OR2L13: variants seen among roughly 807,000 people sequenced by gnomAD.
OR2L13 encodes the protein olfactory receptor 2L13.
OR2L13 carries 14 observed loss-of-function variants against 15.3 expected under a neutral mutation model. That is an observed-to-expected ratio of 0.91 (90% confidence interval 0.60 to 1.43). The LOEUF (loss-of-function observed/expected upper bound fraction) is 1.43. Among genes scored for constraint, OR2L13 ranks in the 40% most tolerant of loss-of-function variants. The pLI is 0.00. For synonymous variants in OR2L13, 152 were observed against 142.9 expected (o/e 1.06, Z -0.45); for missense variants, 367 against 387.9 (o/e 0.95, Z 0.45).
chr1:247,948,765 G>A, the OR2L13 span: 1 of 1,008,524 alleles, frequency 9.9e-7, no homozygotes, highest in Non-Finnish European at 1.5e-6. Flanking sequence ...ATCCACTGGG[G>A]GGGCTTGGAA....
At chr1:248,089,918 G>T in the OR2L13 span, among the ~76,000 whole-genome samples, 1 of 152,114 alleles carries the variant, frequency 6.6e-6, no homozygotes, top group Non-Finnish European at 1.5e-5. Context: ...GAAAATTTTT[G>T]AATCTCCCTA....
the OR2L13 span, chr1:248,040,171 C>T: frequency 6.6e-6 from 1 of 152,230 alleles, no homozygotes; most frequent in African/African-American, 2.4e-5. Context: ...TTGGGATCAG[C>T]TCCTCTGCTC....
chr1:248,046,153 C>A, the OR2L13 span, among the ~76,000 whole-genome samples: 1,360 of 152,022 alleles, frequency 8.9e-3, 15 homozygotes, highest in Non-Finnish European at 0.015. Context: ...ATTAATAAAA[C>A]AAGAGTAGTA....
chr1:247,994,345 T>A, the OR2L13 span, among the ~76,000 whole-genome samples: 1 of 152,076 alleles, frequency 6.6e-6, no homozygotes, highest in Non-Finnish European at 1.5e-5. Context: ...TGCAGTGAGC[T>A]GATATCGCTC....
chr1:247,983,567 A>G, the OR2L13 span, among the ~76,000 whole-genome samples: 1 of 136,218 alleles, frequency 7.3e-6, no homozygotes, highest in South Asian at 2.1e-4. Flanking sequence ...ATTTATTTTT[A>G]TCTAAGAAAA....
chr1:248,063,143 G>A, the OR2L13 span: 1 of 152,082 alleles, frequency 6.6e-6, no homozygotes, highest in African/African-American at 2.4e-5. Context: ...GAATGTCATT[G>A]GTATTTTGAT....
At chr1:247,990,547 A>G in the OR2L13 span, 2 of 1,566,278 alleles carry the variant, frequency 1.3e-6, no homozygotes, top group East Asian at 4.5e-5. Context: ...TATCTCCTTC[A>G]CTGGGTGTGG....
upstream of OR2L13, among the ~76,000 whole-genome samples, chr1:248,095,606 G>GTTTTTTTTT (rs1476154907): frequency 4.5e-4 from 3 of 6,626 alleles, no homozygotes; most frequent in Non-Finnish European, 4.9e-4. Flanking sequence ...TAAAGCTGCT[G>GTTTTTTTTT]CTTTTTTTTT....
the OR2L13 span, among the ~76,000 whole-genome samples, chr1:248,068,275 G>T: frequency 6.6e-6 from 1 of 151,956 alleles, no homozygotes; most frequent in Non-Finnish European, 1.5e-5. Flanking sequence ...CACCTCACAC[G>T]GCCGGGTACT....
At chr1:248,073,808 A>T in the OR2L13 span, among the ~76,000 whole-genome samples, 7 of 152,000 alleles carry the variant, frequency 4.6e-5, no homozygotes, top group African/African-American at 1.4e-4. Flanking sequence ...GTTTTGACTA[A>T]AACATTATAC....
At chr1:248,097,904 T>C (rs1045718324) in intron 1 of OR2L13, among the ~76,000 whole-genome samples, 1 of 152,222 alleles carries the variant, frequency 6.6e-6, no homozygotes, top group Non-Finnish European at 1.5e-5. Flanking sequence ...CAGCACCTGA[T>C]GAATCATTCT....
At chr1:248,026,999 A>G in the OR2L13 span, among the ~76,000 whole-genome samples, 1 of 152,092 alleles carries the variant, frequency 6.6e-6, no homozygotes, top group South Asian at 2.1e-4. Flanking sequence ...ATAACCTTAA[A>G]CTCTGGCTGC....
the OR2L13 span, chr1:248,042,214 A>G: frequency 2.0e-5 from 3 of 152,064 alleles, no homozygotes; most frequent in Non-Finnish European, 1.5e-5. Context: ...AGGGACATGG[A>G]TGAAATTGGA....
chr1:248,085,454 T>G, the OR2L13 span, among the ~76,000 whole-genome samples: 1 of 111,680 alleles, frequency 9.0e-6, no homozygotes, highest in East Asian at 2.8e-4. Context: ...TAAAAAAATG[T>G]GTGCAGAGAA....
the OR2L13 span, among the ~76,000 whole-genome samples, chr1:247,953,250 G>A: frequency 1.9e-4 from 29 of 152,140 alleles, no homozygotes; most frequent in African/African-American, 4.1e-4. Flanking sequence ...ATTGTGCCTC[G>A]TTTTAGCCAT....
At chr1:248,086,904 G>T in the OR2L13 span, among the ~76,000 whole-genome samples, 1 of 150,060 alleles carries the variant, frequency 6.7e-6, no homozygotes, top group African/African-American at 2.4e-5. Flanking sequence ...ATTTCTATTT[G>T]TCTTTCTTAG....
chr1:248,067,147 T>C, the OR2L13 span, among the ~76,000 whole-genome samples: 1 of 152,340 alleles, frequency 6.6e-6, no homozygotes, highest in East Asian at 1.9e-4. Context: ...TTTTGAATGG[T>C]TTATCCCTAT....
chr1:248,016,361 A>G, the OR2L13 span, among the ~76,000 whole-genome samples: 1 of 152,138 alleles, frequency 6.6e-6, no homozygotes, highest in Non-Finnish European at 1.5e-5. Flanking sequence ...TGTTGGGAAC[A>G]TGGTGGAAAT....
the OR2L13 span, among the ~76,000 whole-genome samples, chr1:248,059,858 A>G: frequency 6.6e-6 from 1 of 152,150 alleles, no homozygotes; most frequent in African/African-American, 2.4e-5. Flanking sequence ...GCCTGGCAAC[A>G]TAGCAAGACT....
Sources: gnomAD v4.1 joint callset for allele counts (sites outside exome capture counted in the v4.1 genomes callset) on GRCh38, gnomAD v4.1.1 for gene constraint, MANE v1.5 for transcripts, NCBI Gene and HGNC (gene_info 2026-07-23, HGNC 2026-07-21) for gene names.